Variants in GABRG3 observed in about 807,000 individuals in gnomAD.
GABRG3 encodes the protein gamma-aminobutyric acid type A receptor subunit gamma3, also known as gamma-aminobutyric acid receptor subunit gamma-3.
GABRG3 carries 25 observed loss-of-function variants against 48.8 expected under a neutral mutation model. The observed-to-expected ratio is 0.51, with a 90% CI of 0.37 to 0.72. GABRG3 has a LOEUF of 0.72. Among genes scored for constraint, GABRG3 ranks in the 30% least tolerant of loss-of-function variants. The pLI is 0.00. For synonymous variants in GABRG3, 227 were observed against 217.6 expected, an observed-to-expected ratio of 1.04 and a Z score of -0.38; for missense variants, 394 against 577.9, an observed-to-expected ratio of 0.68 and a Z score of 3.26.
intron 3 of GABRG3, among the ~76,000 whole-genome samples, chr15:27,033,790 AT>A (rs1292796501): frequency 2.6e-5 from 4 of 152,146 alleles, no homozygotes; most frequent in East Asian, 1.9e-4. Context: ...GCTGTCGTAG[AT>A]TTTTTTGTGG....
At chr15:27,143,923 C>A (rs369812081) in intron 3 of GABRG3, among the ~76,000 whole-genome samples, 2 of 151,946 alleles carry the variant, frequency 1.3e-5, no homozygotes, top group Non-Finnish European at 2.9e-5. Flanking sequence ...AACTAGAAAA[C>A]GGGAAATTTA....
At chr15:26,973,381 G>A (rs900463340) in intron 1 of GABRG3, among the ~76,000 whole-genome samples, 4 of 152,202 alleles carry the variant, frequency 2.6e-5, no homozygotes, top group Admixed American at 6.5e-5. Flanking sequence ...AGAGCTTGCA[G>A]ATCAGTTAAA....
rs141798223 is a variant in GABRG3, at chr15:27,207,438, C to T, written c.271-119371C>T. On this transcript the variant is annotated intron_variant, in intron 3 of 9. Coordinates refer to ENST00000615808, the MANE Select transcript of GABRG3 (RefSeq NM_033223.5). ...CTTCCAAAGATTCACATTTTGAAAG[C>T]TCTATGAATTTAGGAGAGTCCTTCA... Among the ~76,000 whole-genome samples the T allele has an allele frequency of 1.5e-4, 23 of 152,298 alleles. No individual in the cohort carries two copies. The East Asian group carries it at 3.5e-3, about 23-fold the overall frequency.
chr15:27,166,556 T>C (rs934859947), intron 3 of GABRG3, among the ~76,000 whole-genome samples: 1 of 152,054 alleles, frequency 6.6e-6, no homozygotes, highest in Non-Finnish European at 1.5e-5. Context: ...GGCCCATGCA[T>C]GAAGGCCGTG....
intron 3 of GABRG3, among the ~76,000 whole-genome samples, chr15:27,078,831 C>T (rs930311862): frequency 1.3e-5 from 2 of 152,164 alleles, no homozygotes; most frequent in South Asian, 4.1e-4. Flanking sequence ...GCATATCCTT[C>T]CTGGAACCTC....
At position 27,438,410 on chromosome 15, in the gene GABRG3, C is replaced by T. The variant is rs1486050172; in HGVS notation, c.575-42240C>T. ...CTTAAAAGTCAAAGTAAAATAAATA[C>T]CTTGAAGTCCTGTGCTAACTTTCTA... On this transcript the variant is annotated intron_variant, in intron 5 of 9. Transcript: ENST00000615808. Among the ~76,000 whole-genome samples, 7 of 152,220 alleles carry T rather than the reference C, an allele frequency of 4.6e-5. No individual in the cohort carries two copies. The South Asian group carries it at 1.2e-3, about 27-fold the overall frequency.
chr15:27,178,855 G>A (rs1887830445), intron 3 of GABRG3, among the ~76,000 whole-genome samples: 2 of 152,204 alleles, frequency 1.3e-5, no homozygotes, highest in Admixed American at 6.5e-5. Context: ...GTCAAACAAA[G>A]TAGGGCAGAT....
intron 3 of GABRG3, among the ~76,000 whole-genome samples, chr15:27,314,439 T>C (rs1418774852): frequency 3.9e-5 from 6 of 152,146 alleles, no homozygotes; most frequent in Non-Finnish European, 2.9e-5. Context: ...TGTGGAGAAA[T>C]TGGAGCCCTT....
intron 1 of GABRG3, among the ~76,000 whole-genome samples, chr15:26,971,948 A>G (rs1210617913): frequency 1.3e-5 from 2 of 152,128 alleles, no homozygotes; most frequent in East Asian, 3.9e-4. Context: ...GCTCACACAC[A>G]CACACACTTT....
At chr15:26,972,793 A>C (rs1312591012) in intron 1 of GABRG3, among the ~76,000 whole-genome samples, 1 of 152,060 alleles carries the variant, frequency 6.6e-6, no homozygotes, top group African/African-American at 2.4e-5. Context: ...AGGGGTGCTT[A>C]CCCTGAGGAA....
chr15:27,266,531 A>G (rs1250906103), intron 3 of GABRG3, among the ~76,000 whole-genome samples: 1 of 152,202 alleles, frequency 6.6e-6, no homozygotes, highest in African/African-American at 2.4e-5. Context: ...GGTGCTTTGC[A>G]TTCCTACAAA....
At chr15:26,990,387 T>G (rs1046113283) in intron 2 of GABRG3, among the ~76,000 whole-genome samples, 5 of 152,254 alleles carry the variant, frequency 3.3e-5, no homozygotes, top group African/African-American at 1.2e-4. Flanking sequence ...GTTGAGCATC[T>G]TCTCATATGC....
At chr15:27,456,817 C>T (rs1889297439) in intron 5 of GABRG3, among the ~76,000 whole-genome samples, 1 of 152,168 alleles carries the variant, frequency 6.6e-6, no homozygotes, top group Non-Finnish European at 1.5e-5. Flanking sequence ...CCCTAGGAGG[C>T]TTGCTGCCCG....
At chr15:27,068,831 C>T (rs67673512) in intron 3 of GABRG3, among the ~76,000 whole-genome samples, 31,846 of 152,100 alleles carry the variant, frequency 0.21, 3,490 homozygotes, top group Middle Eastern at 0.27. Flanking sequence ...CTGGGAACTG[C>T]AGTTAGGGCA....
intron 3 of GABRG3, among the ~76,000 whole-genome samples, chr15:27,240,731 C>G (rs980057856): frequency 2.0e-5 from 3 of 152,010 alleles, no homozygotes; most frequent in African/African-American, 7.2e-5. Context: ...AACATTTTTT[C>G]GTTTAGATCT....
At chr15:27,250,072 T>C (rs1890405410) in intron 3 of GABRG3, among the ~76,000 whole-genome samples, 1 of 151,954 alleles carries the variant, frequency 6.6e-6, no homozygotes, top group Admixed American at 6.6e-5. Context: ...TTCTTTTCCC[T>C]CCTCTCCAAA....
rs116192387 is a variant in GABRG3 at position 27,531,674 on chromosome 15, C to T, written c.1123-926C>T. 5.2e-3 allele frequency among the ~76,000 whole-genome samples: 792 copies of T among 152,300 alleles called. 4 individuals are homozygous for T. Among genetic ancestry groups the T allele is most frequent in the African/African-American group, 0.018 (752 of 41,568 alleles). On this transcript the variant is annotated intron_variant, in intron 9 of 9. Transcript: ENST00000615808. Reference sequence around the variant, plus strand: ...TTTAGTTCCCTTCCATTATTCAGTCCAATTTAGAAACGTATCCCCTTAACA... The same window carrying T: ...TTTAGTTCCCTTCCATTATTCAGTCTAATTTAGAAACGTATCCCCTTAACA...
At chr15:27,221,227 T>A (rs577932814) in intron 3 of GABRG3, among the ~76,000 whole-genome samples, 2 of 152,220 alleles carry the variant, frequency 1.3e-5, no homozygotes, top group African/African-American at 4.8e-5. Context: ...CAGTGACCTT[T>A]TTTGTAGACA....
chr15:27,328,404 A>G (rs1052241071), intron 4 of GABRG3, among the ~76,000 whole-genome samples: 1 of 152,182 alleles, frequency 6.6e-6, no homozygotes, highest in African/African-American at 2.4e-5. Flanking sequence ...CAAACAGGAA[A>G]TCCCCCCCGA....
Sources: allele counts gnomAD v4.1 joint callset (sites outside exome capture counted in the v4.1 genomes callset), GRCh38; gene constraint gnomAD v4.1.1; transcripts MANE v1.5; gene names NCBI Gene and HGNC (gene_info 2026-07-23, HGNC 2026-07-21).